The following MRRF variants were observed in gnomAD, a reference collection of about 807,000 sequenced individuals.
MRRF encodes ribosome-recycling factor, mitochondrial.
Under a neutral mutation model 25.1 loss-of-function variants are expected in MRRF, and 18 were observed. The ratio of observed to expected loss-of-function variants is 0.72; its 90% CI spans 0.50 to 1.06. MRRF has a LOEUF of 1.06. Among genes scored for constraint, MRRF ranks in the 50% least tolerant of loss-of-function variants. MRRF has a pLI of 0.00. For synonymous variants in MRRF, 113 were observed against 112.1 expected, an observed-to-expected ratio of 1.01 and a Z score of -0.05; for missense variants, 323 against 319.3, an observed-to-expected ratio of 1.01 and a Z score of -0.09.
intron 1 of MRRF, chr9:122,265,579 G>A (rs1030853554): frequency 2.6e-6 from 1 of 383,466 alleles, no homozygotes; most frequent in Non-Finnish European, 5.1e-6. Context: ...AAACCACACT[G>A]TTGCATTTCC....
chr9:122,274,374 A>T (rs1055809014), intron 2 of MRRF, among the ~76,000 whole-genome samples: 3 of 152,220 alleles, frequency 2.0e-5, no homozygotes, highest in Non-Finnish European at 4.4e-5. Context: ...AAAAAGATTT[A>T]GGCCAGGCAC....
chr9:122,297,825 A>G (rs1209890970), intron 5 of MRRF, among the ~76,000 whole-genome samples: 1 of 152,198 alleles, frequency 6.6e-6, no homozygotes, highest in East Asian at 1.9e-4. Flanking sequence ...CCAGAAAACC[A>G]TCTGCAACAC....
At chr9:122,295,340 C>G (rs185599295) in intron 5 of MRRF, among the ~76,000 whole-genome samples, 1 of 152,126 alleles carries the variant, frequency 6.6e-6, no homozygotes, top group East Asian at 1.9e-4. Context: ...CTGGGTCACA[C>G]AGCTGGTAAT....
At chr9:122,293,942 G>A (rs1833930070) in intron 5 of MRRF, among the ~76,000 whole-genome samples, 1 of 152,224 alleles carries the variant, frequency 6.6e-6, no homozygotes, top group Admixed American at 6.5e-5. Context: ...TTTGAAGCCT[G>A]AGTTTTTCTG....
At position 122,271,049 on chromosome 9, in the gene MRRF, G is replaced by A. The variant is rs1832424098; in HGVS notation, c.158G>A (p.Arg53His). The part of the protein sequence containing the change: ...QYMAYSAVPV[R>H]HFATKKAKAK... ...ATGGCCTATTCAGCTGTACCAGTCC[G>A]CCATTTTGCTACCAAGAAAGCCAAA... The change falls in exon 2 of 7, where the codon CGC becomes CAC. Residue 53 changes from arginine (R) to histidine (H), a missense_variant. Arg to His is a conservative substitution (Grantham distance 29). Coordinates refer to ENST00000344641, the MANE Select transcript of MRRF (RefSeq NM_138777.5). 2.5e-6 allele frequency: 4 copies of A among 1,614,010 alleles called. No individual in the cohort carries two copies. The highest frequency in any genetic ancestry group is 2.5e-6 in the Non-Finnish European group (3 of 1,180,008).
At chr9:122,301,464 T>C (rs1464548026) in intron 5 of MRRF, among the ~76,000 whole-genome samples, 1 of 152,184 alleles carries the variant, frequency 6.6e-6, no homozygotes, top group Non-Finnish European at 1.5e-5. Flanking sequence ...GGCTACTTAT[T>C]TCAACTCTCT....
chr9:122,295,594 C>T (rs1456618145), intron 5 of MRRF, among the ~76,000 whole-genome samples: 3 of 151,958 alleles, frequency 2.0e-5, no homozygotes, highest in East Asian at 1.9e-4. Context: ...TACAGGCGCC[C>T]GCCACCACGT....
chr9:122,299,914 A>C (rs1834339505), intron 5 of MRRF, among the ~76,000 whole-genome samples: 1 of 152,186 alleles, frequency 6.6e-6, no homozygotes, highest in Admixed American at 6.5e-5. Context: ...CCTGGCTTCA[A>C]ATTCCTGTTC....
chr9:122,320,769 C>T (rs1835847909), intron 6 of MRRF, among the ~76,000 whole-genome samples: 1 of 152,202 alleles, frequency 6.6e-6, no homozygotes, highest in African/African-American at 2.4e-5. Flanking sequence ...CTTTTTAGTG[C>T]ATTTAGTTCT....
intron 4 of MRRF, among the ~76,000 whole-genome samples, chr9:122,290,008 T>G (rs1381582692): frequency 1.3e-5 from 2 of 151,438 alleles, no homozygotes; most frequent in Non-Finnish European, 2.9e-5. Context: ...GAGCCGTGAT[T>G]ATGCCACTGC....
intron 6 of MRRF, among the ~76,000 whole-genome samples, chr9:122,319,874 ATTTTTTTTT>A (rs975991164): frequency 3.1e-5 from 4 of 129,990 alleles, no homozygotes; most frequent in Non-Finnish European, 6.5e-5. Context: ...ATTTTCATTA[ATTTTTTTTT>A]TTTTTTTTTT....
intron 4 of MRRF, among the ~76,000 whole-genome samples, chr9:122,287,155 C>G (rs1833467297): frequency 6.6e-6 from 1 of 152,224 alleles, no homozygotes; most frequent in South Asian, 2.1e-4. Context: ...TCCTATACAG[C>G]ACAATTCTTT....
rs541385727 is a variant in MRRF, at chr9:122,301,932, C to A, written c.551+10092C>A. Reference sequence around the variant, plus strand: ...TTTTTTTTTGTATTTTTAGTAGAGACGGGGTTTCACCATGTTGCCTAGGCT... The same window carrying A: ...TTTTTTTTTGTATTTTTAGTAGAGAAGGGGTTTCACCATGTTGCCTAGGCT... On this transcript the variant is annotated intron_variant, in intron 5 of 6. Transcript: ENST00000344641. Among the ~76,000 whole-genome samples the A allele has an allele frequency of 5.4e-5, 8 of 149,510 alleles. 1 individual carries two copies. In the South Asian group the frequency reaches 1.7e-3, roughly 32 times the overall value.
intron 1 of MRRF, among the ~76,000 whole-genome samples, chr9:122,269,428 C>T (rs1283016905): frequency 6.6e-6 from 1 of 151,604 alleles, no homozygotes; most frequent in Non-Finnish European, 1.5e-5. Flanking sequence ...CTGACCCTGG[C>T]ATAAAAGTTT....
At chr9:122,290,159 A>G (rs998582610) in intron 4 of MRRF, among the ~76,000 whole-genome samples, 1 of 152,226 alleles carries the variant, frequency 6.6e-6, no homozygotes, top group African/African-American at 2.4e-5. Flanking sequence ...AAGGTAGAGC[A>G]GCATCATTGG....
chr9:122,286,834 G>T (rs933552738), intron 4 of MRRF, among the ~76,000 whole-genome samples: 2 of 152,132 alleles, frequency 1.3e-5, no homozygotes, highest in African/African-American at 4.8e-5. Context: ...CCTCACTGTG[G>T]CCAAGAAACA....
In MRRF at chr9:122,280,428, A is replaced by G; in HGVS notation, c.185-15A>G. ...ATGCTGCTGTTGTTTTATTCACTGA[A>G]TGTTCACTTTTTAGCCAAAGGGAAA... On this transcript the variant is annotated splice_polypyrimidine_tract_variant and intron_variant, in intron 2 of 6. Coordinates refer to ENST00000344641, the MANE Select transcript of MRRF (RefSeq NM_138777.5). 1 of 1,614,072 alleles carries G rather than the reference A, an allele frequency of 6.2e-7. No homozygotes were observed. The highest frequency in any genetic ancestry group is 8.5e-7 in the Non-Finnish European group (1 of 1,179,922).
intron 1 of MRRF, among the ~76,000 whole-genome samples, chr9:122,267,245 G>T (rs754957665): frequency 5.3e-5 from 8 of 151,932 alleles, no homozygotes; most frequent in Non-Finnish European, 1.0e-4. Context: ...ACTGGGTGTG[G>T]TGGTGGGTGC....
intron 5 of MRRF, among the ~76,000 whole-genome samples, chr9:122,311,840 A>G (rs186303762): frequency 6.6e-6 from 1 of 152,284 alleles, no homozygotes; most frequent in Admixed American, 6.5e-5. Context: ...CCCTCTTAGT[A>G]TTTCAGCAGG....
Sources: gnomAD v4.1 joint callset for allele counts (sites outside exome capture counted in the v4.1 genomes callset) on GRCh38, gnomAD v4.1.1 for gene constraint, MANE v1.5 for transcripts, NCBI Gene and HGNC (gene_info 2026-07-23, HGNC 2026-07-21) for gene names.